Variants in KHDRBS2 observed in about 807,000 individuals in gnomAD.
The protein encoded by KHDRBS2 is KH RNA binding domain containing, signal transduction associated 2.
Under a neutral mutation model 44.3 loss-of-function variants are expected in KHDRBS2, and 26 were observed. The observed-to-expected ratio is 0.59, with a 90% CI of 0.43 to 0.81. The LOEUF (loss-of-function observed/expected upper bound fraction) is 0.81. Among genes scored for constraint, KHDRBS2 ranks in the 40% least tolerant of loss-of-function variants. The pLI is 0.00. For missense variants in KHDRBS2, 476 were observed against 433.1 expected (o/e 1.10, Z -0.88); for synonymous variants, 194 against 151.1 (o/e 1.28, Z -2.08).
intron 6 of KHDRBS2, among the ~76,000 whole-genome samples, chr6:61,770,847 T>C (rs965067926): frequency 8.5e-5 from 13 of 152,116 alleles, no homozygotes; most frequent in African/African-American, 3.1e-4. Flanking sequence ...GCCACAAAGA[T>C]ACTCCTCGAG....
At chr6:62,273,108 T>G (rs1481240666) in intron 1 of KHDRBS2, among the ~76,000 whole-genome samples, 2 of 152,170 alleles carry the variant, frequency 1.3e-5, no homozygotes, top group African/African-American at 4.8e-5. Context: ...TCAGCATCTG[T>G]TTTCAGCCAC....
chr6:62,167,661 G>C (rs1284756359), intron 2 of KHDRBS2, among the ~76,000 whole-genome samples: 1 of 152,054 alleles, frequency 6.6e-6, no homozygotes, highest in Non-Finnish European at 1.5e-5. Flanking sequence ...AAATCACAAA[G>C]CCCATCAAAT....
At chr6:62,243,399 A>G (rs1835016880) in intron 1 of KHDRBS2, among the ~76,000 whole-genome samples, 1 of 152,090 alleles carries the variant, frequency 6.6e-6, no homozygotes, top group African/African-American at 2.4e-5. Flanking sequence ...TATACAGCAG[A>G]TACCCTAAGA....
the KHDRBS2 span, among the ~76,000 whole-genome samples, chr6:61,562,007 CA>C: frequency 6.6e-6 from 1 of 152,048 alleles, no homozygotes; most frequent in East Asian, 1.9e-4. Context: ...CACTATAAAC[CA>C]AAAAAATGGC....
chr6:61,871,792 G>T (rs2127304340), intron 6 of KHDRBS2, among the ~76,000 whole-genome samples: 1 of 152,286 alleles, frequency 6.6e-6, no homozygotes, highest in Middle Eastern at 3.4e-3. Flanking sequence ...ATCCTTTACA[G>T]AAAAGCAAAT....
intron 6 of KHDRBS2, among the ~76,000 whole-genome samples, chr6:61,764,198 T>A (rs1249869990): frequency 6.6e-6 from 1 of 152,232 alleles, no homozygotes; most frequent in Non-Finnish European, 1.5e-5. Context: ...TTCTGTGGTG[T>A]ATATGTACCA....
intron 1 of KHDRBS2, among the ~76,000 whole-genome samples, chr6:62,181,356 C>G (rs561206442): frequency 1.3e-5 from 2 of 151,758 alleles, no homozygotes; most frequent in Non-Finnish European, 2.9e-5. Context: ...TAGCAAGAAA[C>G]CAAATAATGA....
In KHDRBS2 at chr6:61,903,819, G is replaced by GT. The variant is rs201597448; in HGVS notation, c.484-2449dup. Among the ~76,000 whole-genome samples, 488 of 152,238 alleles carry GT rather than the reference G, an allele frequency of 3.2e-3. 6 individuals are homozygous for GT. Among genetic ancestry groups the GT allele is most frequent in the Admixed American group, 0.028 (424 of 15,304 alleles). ...AGGCTAGCTTTCTGAAGGATGAGAG[G>GT]TAACGTGAAGAAAGGCTCCAGTCAT... On this transcript the variant is annotated intron_variant, in intron 4 of 8. Coordinates refer to ENST00000281156, the MANE Select transcript of KHDRBS2 (RefSeq NM_152688.4).
At chr6:62,151,859 A>G (rs566385456) in intron 2 of KHDRBS2, among the ~76,000 whole-genome samples, 1 of 152,358 alleles carries the variant, frequency 6.6e-6, no homozygotes, top group East Asian at 1.9e-4. Context: ...ATAAAAAATG[A>G]TAACGGGTAA....
At chr6:62,284,762 A>T (rs1193968469) in intron 1 of KHDRBS2, among the ~76,000 whole-genome samples, 2 of 152,202 alleles carry the variant, frequency 1.3e-5, no homozygotes, top group African/African-American at 4.8e-5. Context: ...TTCATAAATT[A>T]AAAAATATAG....
In KHDRBS2 at chr6:61,863,587, T is replaced by C. The variant is rs370284947; in HGVS notation, c.810+31048A>G. On this transcript the variant is annotated intron_variant, in intron 6 of 8. Coordinates refer to ENST00000281156, the MANE Select transcript of KHDRBS2 (RefSeq NM_152688.4). ...AGAGCAGGTTGTTCATGTAGTTAAA[T>C]GGTTTTGAGTGAATACCTTAATCTT... 2.6e-5 allele frequency among the ~76,000 whole-genome samples: 4 copies of C among 152,120 alleles called. No individual in the cohort carries two copies. The East Asian group carries it at 7.7e-4, about 29-fold the overall frequency.
At chr6:62,134,825 TC>T (rs2150092953) in intron 2 of KHDRBS2, among the ~76,000 whole-genome samples, 1 of 152,326 alleles carries the variant, frequency 6.6e-6, no homozygotes, top group East Asian at 1.9e-4. Flanking sequence ...TTTAGCATCT[TC>T]ATTTTGGCCA....
intron 1 of KHDRBS2, 120 bp downstream of exon 1, chr6:62,285,738 A>G: frequency 6.1e-6 from 4 of 660,274 alleles, no homozygotes; most frequent in Non-Finnish European, 1.1e-5. Context: ...GAGCATCTTC[A>G]GGGGGACAGT....
At chr6:62,061,178 G>C (rs1791752707) in intron 2 of KHDRBS2, among the ~76,000 whole-genome samples, 3 of 151,260 alleles carry the variant, frequency 2.0e-5, no homozygotes, top group South Asian at 2.1e-4. Flanking sequence ...TTTACATTTA[G>C]AGTTAATATT....
At chr6:62,177,680 G>T (rs1294775064) in intron 1 of KHDRBS2, among the ~76,000 whole-genome samples, 2 of 151,002 alleles carry the variant, frequency 1.3e-5, no homozygotes, top group Non-Finnish European at 3.0e-5. Flanking sequence ...GCAATAAATA[G>T]AACAAAATAC....
chr6:62,170,952 C>CG (rs1819868209), intron 2 of KHDRBS2, among the ~76,000 whole-genome samples: 1 of 129,822 alleles, frequency 7.7e-6, no homozygotes, highest in African/African-American at 2.9e-5. Flanking sequence ...AAGATAAACG[C>CG]AAAAAAAAAA....
intron 6 of KHDRBS2, among the ~76,000 whole-genome samples, chr6:61,746,508 A>C (rs1233615475): frequency 1.3e-5 from 2 of 152,090 alleles, no homozygotes; most frequent in Admixed American, 1.3e-4. Context: ...ATGGCTGCAT[A>C]GTATTCTATG....
intron 4 of KHDRBS2, among the ~76,000 whole-genome samples, chr6:61,968,524 C>A (rs748236671): frequency 1.3e-5 from 2 of 151,954 alleles, no homozygotes; most frequent in African/African-American, 2.4e-5. Context: ...TAAGAATGTG[C>A]AGGAAAAATT....
At chr6:62,197,396 T>C (rs1175924976) in intron 1 of KHDRBS2, among the ~76,000 whole-genome samples, 1 of 152,154 alleles carries the variant, frequency 6.6e-6, no homozygotes, top group Non-Finnish European at 1.5e-5. Context: ...GAATTTTAAC[T>C]GGTATTATAT....
Sources: allele counts gnomAD v4.1 joint callset (sites outside exome capture counted in the v4.1 genomes callset), GRCh38; gene constraint gnomAD v4.1.1; transcripts MANE v1.5; gene names NCBI Gene and HGNC (gene_info 2026-07-23, HGNC 2026-07-21).